The following UTS2B variants were observed in gnomAD, a reference collection of about 807,000 sequenced individuals.
The protein encoded by UTS2B is urotensin 2B.
Under a neutral mutation model 19.2 loss-of-function variants are expected in UTS2B, and 21 were observed. The ratio of observed to expected loss-of-function variants is 1.09; its 90% CI spans 0.78 to 1.58. The LOEUF (loss-of-function observed/expected upper bound fraction) is 1.58, where lower values mean the gene tolerates loss of function less well. UTS2B is among the 40% of genes most tolerant of loss of function. UTS2B has a pLI of 0.00. For missense variants in UTS2B, 138 were observed against 130.3 expected (o/e 1.06, Z -0.29); for synonymous variants, 57 against 50.2 (o/e 1.14, Z -0.58).
intron 6 of UTS2B, among the ~76,000 whole-genome samples, chr3:191,277,828 TA>T (rs112679771): frequency 9.9e-5 from 15 of 151,396 alleles, no homozygotes; most frequent in Admixed American, 2.0e-4. Context: ...CCTTTTTTTT[TA>T]ACTATATGTT....
At chr3:191,283,135 T>C (rs2108576366) in intron 4 of UTS2B, among the ~76,000 whole-genome samples, 1 of 152,328 alleles carries the variant, frequency 6.6e-6, no homozygotes, top group East Asian at 1.9e-4. Flanking sequence ...ATGACTAATC[T>C]TTTTACTAAC....
intron 4 of UTS2B, among the ~76,000 whole-genome samples, chr3:191,292,139 C>A (rs905120988): frequency 6.7e-6 from 1 of 148,670 alleles, no homozygotes; most frequent in Non-Finnish European, 1.5e-5. Flanking sequence ...AAAGAGGTTG[C>A]AGGAGGGAAG....
chr3:191,268,357 G>A lies in UTS2B; in HGVS notation c.*59C>T, dbSNP rs529447893. 1.3e-4 allele frequency: 175 copies of A among 1,303,154 alleles called. 1 individual carries two copies. In the African/African-American group the frequency reaches 2.3e-3, roughly 17 times the overall value. The allele number at this position is 1,303,154 out of a possible 1,614,324, so 80.7% of individuals were successfully genotyped here. A position where few individuals can be genotyped will look rare whatever the true frequency, so the allele number is the denominator to read the frequency against. ...TCAGGGGGTCTGCCTACAGCAGAGT[G>A]AGTAGATACATATATTTTCCTGATA... is the stretch of plus-strand genomic sequence containing the variant. On this transcript the variant is annotated 3_prime_UTR_variant, in exon 9 of 9. Transcript: ENST00000340524.
At chr3:191,297,376 C>T (rs923647110) in intron 4 of UTS2B, among the ~76,000 whole-genome samples, 9 of 152,118 alleles carry the variant, frequency 5.9e-5, no homozygotes, top group African/African-American at 2.2e-4. Flanking sequence ...TTTCAAGAGA[C>T]CATTTCTTTG....
chr3:191,291,158 T>G (rs1297195464), intron 4 of UTS2B, among the ~76,000 whole-genome samples: 6 of 152,124 alleles, frequency 3.9e-5, no homozygotes, highest in Non-Finnish European at 8.8e-5. Context: ...TTTTAAAAAT[T>G]GAGTATTTTT....
chr3:191,308,566 G>A (rs549621729), intron 3 of UTS2B, among the ~76,000 whole-genome samples: 108 of 152,216 alleles, frequency 7.1e-4, no homozygotes, highest in African/African-American at 2.2e-3. Flanking sequence ...TCTTTATTGC[G>A]AGGGGGTTGT....
At chr3:191,273,590 G>A (rs1368153262) in intron 8 of UTS2B, 1 of 456,634 alleles carries the variant, frequency 2.2e-6, no homozygotes, top group Non-Finnish European at 4.4e-6. Flanking sequence ...GTGCTGTGCT[G>A]TGCTGCAAGC....
At chr3:191,311,984 CA>C (rs201102912) in intron 3 of UTS2B, among the ~76,000 whole-genome samples, 39 of 140,860 alleles carry the variant, frequency 2.8e-4, no homozygotes, top group African/African-American at 8.9e-4. Context: ...ACTAAAAATA[CA>C]AAAAAAAAGA....
intron 3 of UTS2B, among the ~76,000 whole-genome samples, chr3:191,309,373 CCGTGTTAGCCAGGACGG>C (rs2108601216): frequency 6.6e-6 from 1 of 151,766 alleles, no homozygotes; most frequent in Admixed American, 6.6e-5. Flanking sequence ...TGAGGTTTCA[CCGTGTTAGCCAGGACGG>C]TCTCGATCTC....
At chr3:191,321,819 G>A (rs1717618609) in intron 2 of UTS2B, among the ~76,000 whole-genome samples, 1 of 152,196 alleles carries the variant, frequency 6.6e-6, no homozygotes, top group African/African-American at 2.4e-5. Context: ...CTGAGGTCAA[G>A]AGTTGAAGAC....
Position 191,267,301 on chromosome 3 carries a change from G to A in UTS2B, c.*1115C>T, listed in dbSNP as rs1715960534. 3 of 152,180 alleles carry A rather than the reference G, an allele frequency of 2.0e-5. No homozygotes were observed. Among genetic ancestry groups the A allele is most frequent in the African/African-American group, 7.2e-5 (3 of 41,434 alleles). The allele number at this position is 152,180 out of a possible 1,614,324, so 9.4% of individuals were successfully genotyped here. A position where few individuals can be genotyped will look rare whatever the true frequency, so the allele number is the denominator to read the frequency against. The stretch of plus-strand genomic sequence containing the variant: ...AACTCTAGCTCTACAAAACCATTTT[G>A]ATAGTGACATACCTTCAAAAGTGCA... On this transcript the variant is annotated 3_prime_UTR_variant, in exon 9 of 9. Transcript: ENST00000340524.
chr3:191,273,769 G>T (rs777196983), intron 8 of UTS2B, among the ~76,000 whole-genome samples: 3 of 152,158 alleles, frequency 2.0e-5, no homozygotes, highest in Non-Finnish European at 4.4e-5. Flanking sequence ...TCAATAAACA[G>T]AAACTGTCCT....
At chr3:191,312,777 C>A (rs1045385822) in intron 3 of UTS2B, among the ~76,000 whole-genome samples, 7 of 152,156 alleles carry the variant, frequency 4.6e-5, no homozygotes, top group African/African-American at 1.7e-4. Context: ...GCTTTTGAGG[C>A]CCCCTCCTCT....
chr3:191,315,011 G>GA lies in UTS2B; in HGVS notation c.-182+1024dup, dbSNP rs1286633098. ...TCCCTGAGTTCTGCGTGCCACCCTA[G>GA]AATTTTTTTTTTTTTTTTGAGATGG... On this transcript the variant is annotated intron_variant, in intron 3 of 8. Transcript: ENST00000340524. Among the ~76,000 whole-genome samples, 212 of 144,760 alleles carry GA rather than the reference G, an allele frequency of 1.5e-3. 2 individuals carry two copies. The highest frequency in any genetic ancestry group is 6.4e-3 in the Admixed American group (94 of 14,752). 95.0% of individuals were successfully genotyped at this position (144,760 alleles called of 152,430 possible).
chr3:191,303,892 C>CT (rs1717065680), intron 4 of UTS2B, among the ~76,000 whole-genome samples: 1 of 152,116 alleles, frequency 6.6e-6, no homozygotes, highest in Admixed American at 6.5e-5. Context: ...ATGAGGCACA[C>CT]ACTTAGTTAG....
chr3:191,286,166 A>G (rs1416782371), intron 4 of UTS2B, among the ~76,000 whole-genome samples: 2 of 152,238 alleles, frequency 1.3e-5, no homozygotes, highest in Non-Finnish European at 2.9e-5. Context: ...GAGATCAGCT[A>G]TAATACAGTA....
intron 2 of UTS2B, among the ~76,000 whole-genome samples, chr3:191,325,135 A>G (rs946821349): frequency 5.9e-5 from 9 of 152,172 alleles, no homozygotes; most frequent in Non-Finnish European, 1.5e-5. Flanking sequence ...TTATGTATAC[A>G]CTGAAATCAT....
chr3:191,301,487 T>A (rs961277636), intron 4 of UTS2B, among the ~76,000 whole-genome samples: 10 of 144,890 alleles, frequency 6.9e-5, no homozygotes, highest in Admixed American at 5.5e-4. Context: ...TTGGTAATTT[T>A]TTTTTTTTTT....
At chr3:191,290,282 G>A (rs1716675962) in intron 4 of UTS2B, among the ~76,000 whole-genome samples, 1 of 152,056 alleles carries the variant, frequency 6.6e-6, no homozygotes, top group African/African-American at 2.4e-5. Flanking sequence ...TGTATTGGAT[G>A]GATAAATGAA....
Sources: allele counts gnomAD v4.1 joint callset (sites outside exome capture counted in the v4.1 genomes callset), GRCh38; gene constraint gnomAD v4.1.1; transcripts MANE v1.5; gene names NCBI Gene and HGNC (gene_info 2026-07-23, HGNC 2026-07-21).